The following SCAF11 variants were observed in gnomAD, a reference collection of about 807,000 sequenced individuals.
SCAF11 encodes protein SCAF11.
A neutral mutation model predicts 140.5 loss-of-function variants in SCAF11; 47 were observed. The ratio of observed to expected loss-of-function variants is 0.33; its 90% CI spans 0.26 to 0.43. The LOEUF is 0.43. SCAF11 is among the 20% of genes least tolerant of loss of function. The pLI, the probability that SCAF11 is intolerant of heterozygous loss-of-function variation, is 1.00. For synonymous variants in SCAF11, 557 were observed against 579.4 expected (o/e 0.96, Z 0.55); for missense variants, 1,645 against 1,705.1 (o/e 0.96, Z 0.62).
At chr12:45,969,563 T>C (rs1857701462) in intron 1 of SCAF11, among the ~76,000 whole-genome samples, 2 of 152,214 alleles carry the variant, frequency 1.3e-5, no homozygotes, top group African/African-American at 4.8e-5. Context: ...ATGGCTGTTA[T>C]CAAGATCATT....
Position 45,927,177 on chromosome 12 carries a change from C to T in SCAF11, c.2524G>A (p.Gly842Ser). 4.3e-6 allele frequency: 7 copies of T among 1,614,026 alleles called. No homozygotes were observed. The highest frequency in any genetic ancestry group is 2.7e-5 in the African/African-American group (2 of 74,994). Residue 842 changes from glycine to serine, a missense_variant, in exon 11 of 15, where the codon GGC (glycine) becomes AGC (serine). Gly to Ser is a moderately conservative substitution (Grantham distance 56). Coordinates refer to ENST00000369367, the MANE Select transcript of SCAF11 (RefSeq NM_004719.3). Reference protein sequence around the residue: ...SPSPKNESARGRKKSRSQSPK... With the variant: ...SPSPKNESARSRKKSRSQSPK... The stretch of plus-strand genomic sequence containing the variant: ...GACTGAGAACGGGATTTTTTCCGGC[C>T]TCTGGCTGACTCATTCTTAGGAGAT...
intron 1 of SCAF11, among the ~76,000 whole-genome samples, chr12:45,980,425 C>T (rs1946323513): frequency 3.3e-5 from 5 of 152,116 alleles, no homozygotes; most frequent in Admixed American, 3.3e-4. Flanking sequence ...ACACTTAGTC[C>T]CTCTCTCTAC....
At position 45,926,402 on chromosome 12, in the gene SCAF11, C is replaced by A. The variant is rs770871909; in HGVS notation, c.3299G>T (p.Arg1100Leu). The A allele has an allele frequency of 6.2e-7, 1 of 1,614,212 alleles. No homozygotes were observed. The highest frequency in any genetic ancestry group is 2.2e-5 in the East Asian group (1 of 44,890). ...GTTTGAATTCCCTGAGAGGGGTTTT[C>A]GATTTTGCCACCGATTTTCATTCTG... ...KDQNENRWQN[R>L]KPLSGNSNSS... Residue 1100 changes from arginine to leucine, a missense_variant, in exon 11 of 15, where the codon CGA becomes CTA. Physicochemically the swap from Arg to Leu is moderately radical, Grantham distance 102 (BLOSUM62 -2). Coordinates refer to ENST00000369367, the MANE Select transcript of SCAF11 (RefSeq NM_004719.3).
chr12:45,925,758 T>C (rs538719390), intron 11 of SCAF11, among the ~76,000 whole-genome samples: 3 of 152,244 alleles, frequency 2.0e-5, no homozygotes, highest in South Asian at 2.1e-4. Flanking sequence ...CAAGGAAATA[T>C]AAATCTTTAC....
chr12:45,974,225 G>A, intron 1 of SCAF11: 1 of 470,824 alleles, frequency 2.1e-6, no homozygotes, highest in Non-Finnish European at 4.4e-6. Flanking sequence ...ATCTCAGCAA[G>A]GCTTCAGCAA....
intron 1 of SCAF11, among the ~76,000 whole-genome samples, chr12:45,987,624 G>C (rs1946487983): frequency 6.6e-6 from 1 of 152,230 alleles, no homozygotes; most frequent in South Asian, 2.1e-4. Context: ...ATACACAGTA[G>C]TTAGAGAAGA....
In SCAF11 at chr12:45,928,104, A is replaced by G. The variant is rs756659852; in HGVS notation, c.1597T>C (p.Ser533Pro). ...ACATCTGTCTTTACCTCTGATTGTGAAAGTCCAGATATCTGGTCTTGCTTT... is the reference window on the plus strand; with the variant it reads ...ACATCTGTCTTTACCTCTGATTGTGGAAGTCCAGATATCTGGTCTTGCTTT... The part of the protein sequence containing the change: ...LEKQDQISGL[S>P]QSEVKTDVCT... Residue 533 changes from serine to proline, a missense_variant, in exon 11 of 15, where the codon TCA (serine) becomes CCA (proline). Coordinates refer to ENST00000369367, the MANE Select transcript of SCAF11 (RefSeq NM_004719.3). 1 of 1,613,938 alleles carries G rather than the reference A, an allele frequency of 6.2e-7. No homozygotes were observed. Among genetic ancestry groups the G allele is most frequent in the Non-Finnish European group, 8.5e-7 (1 of 1,179,974 alleles).
In SCAF11 at chr12:45,927,785, T is replaced by C. The variant is rs1436482607; in HGVS notation, c.1916A>G (p.Glu639Gly). 1 of 1,613,468 alleles carries C rather than the reference T, an allele frequency of 6.2e-7. No individual in the cohort carries two copies. The highest frequency in any genetic ancestry group is 8.5e-7 in the Non-Finnish European group (1 of 1,179,798). The change falls in exon 11 of 15, where the codon GAA becomes GGA. Residue 639 changes from glutamate (E) to glycine (G), a missense_variant. Glu to Gly is a moderately conservative substitution (Grantham distance 98). Around this residue, in one of 2 missense-constraint regions of SCAF11, gnomAD observed 1,582 missense variants for 1,609.2 expected, o/e 0.98. Coordinates refer to ENST00000369367, the MANE Select transcript of SCAF11 (RefSeq NM_004719.3). ...SPEVQLLGHV[E>G]TEDVEIIATC... ...TGCAATTATTTCTACATCTTCAGTT[T>C]CAACATGCCCAAGCAATTGAACCTC...
chr12:45,934,399 C>T lies in SCAF11; in HGVS notation c.522+48G>A, dbSNP rs769735409. The T allele has an allele frequency of 2.0e-6, 3 of 1,474,754 alleles. No individual in the cohort carries two copies. The East Asian group carries it at 6.8e-5, about 34-fold the overall frequency. 91.4% of individuals were successfully genotyped at this position (1,474,754 alleles called of 1,614,324 possible). A position where few individuals can be genotyped will look rare whatever the true frequency, so the allele number is the denominator to read the frequency against. ...CTGGTTATTTATGGACTAAATAACC[C>T]TAAAGTGTTATCATCTAAGAAAAAG... On this transcript the variant is annotated intron_variant, in intron 7 of 14. Coordinates refer to ENST00000369367, the MANE Select transcript of SCAF11 (RefSeq NM_004719.3).
At position 45,969,278 on chromosome 12, in the gene SCAF11, T is replaced by C. The variant is rs73292583; in HGVS notation, c.-21-5090A>G. On this transcript the variant is annotated intron_variant, in intron 1 of 14. Transcript: ENST00000369367. ...CAGAAGTAGCCAGGGTTCCTAATAA[T>C]GTAAACTATTCTTTAGCCTAGTCTG... Among the ~76,000 whole-genome samples the C allele has an allele frequency of 7.1e-3, 1,074 of 152,316 alleles. 13 individuals are homozygous for C. Among genetic ancestry groups the C allele is most frequent in the African/African-American group, 0.025 (1,021 of 41,556 alleles).
At chr12:45,972,938 A>C (rs979449734) in intron 1 of SCAF11, among the ~76,000 whole-genome samples, 5 of 18,008 alleles carry the variant, frequency 2.8e-4, no homozygotes, top group East Asian at 1.1e-3. Context: ...AGATATATAT[A>C]GATATATATA....
At chr12:45,978,642 C>G (rs1413835345) in intron 1 of SCAF11, among the ~76,000 whole-genome samples, 1 of 152,002 alleles carries the variant, frequency 6.6e-6, no homozygotes, top group Non-Finnish European at 1.5e-5. Flanking sequence ...CTTGGATGGA[C>G]GTATGGAAGT....
intron 10 of SCAF11, 166 bp from the exon 11 acceptor site, chr12:45,929,025 T>C (rs1944974463): frequency 1.2e-5 from 5 of 401,296 alleles, no homozygotes. Context: ...GTAATATGAC[T>C]TATTCATCAA....
intron 1 of SCAF11, among the ~76,000 whole-genome samples, chr12:45,989,370 T>C (rs751548597): frequency 6.6e-5 from 10 of 152,256 alleles, no homozygotes; most frequent in Admixed American, 1.3e-4. Context: ...TCAGCAGTTT[T>C]GCTTAAGTAT....
In SCAF11 at chr12:45,948,556, C is replaced by G. The variant is rs1468523967; in HGVS notation, c.298-19G>C. 5.0e-6 allele frequency: 7 copies of G among 1,398,348 alleles called. No individual in the cohort carries two copies. The highest frequency in any genetic ancestry group is 7.0e-6 in the Non-Finnish European group (7 of 994,722). The allele number at this position is 1,398,348 out of a possible 1,614,324, so 86.6% of individuals were successfully genotyped here. Reference sequence around the variant, plus strand: ...CTTGAACCTATGAGAAAAGCAAAATCAATTTAGAGCAACAATCCAGCCTTA... The same window carrying G: ...CTTGAACCTATGAGAAAAGCAAAATGAATTTAGAGCAACAATCCAGCCTTA... On this transcript the variant is annotated intron_variant, in intron 4 of 14. Coordinates refer to ENST00000369367, the MANE Select transcript of SCAF11 (RefSeq NM_004719.3).
intron 1 of SCAF11, among the ~76,000 whole-genome samples, chr12:45,982,971 C>T (rs182926617): frequency 9.1e-4 from 138 of 152,110 alleles, no homozygotes; most frequent in African/African-American, 3.0e-3. Context: ...ATGCCAAGTG[C>T]CAAATGTGAG....
chr12:45,976,032 T>A (rs1052089101), intron 1 of SCAF11, among the ~76,000 whole-genome samples: 2 of 152,166 alleles, frequency 1.3e-5, no homozygotes, highest in African/African-American at 2.4e-5. Flanking sequence ...ATTGCCACAA[T>A]CTTCAATTTG....
At chr12:45,946,216 T>A (rs1945419892) in intron 5 of SCAF11, among the ~76,000 whole-genome samples, 1 of 152,214 alleles carries the variant, frequency 6.6e-6, no homozygotes, top group Non-Finnish European at 1.5e-5. Context: ...AATGCCTTCT[T>A]TGGAACTGGT....
chr12:45,987,778 G>A lies in SCAF11; in HGVS notation c.-22+2575C>T, dbSNP rs564485264. 1.8e-4 allele frequency among the ~76,000 whole-genome samples: 27 copies of A among 152,298 alleles called. No homozygotes were observed. In the East Asian group the frequency reaches 5.2e-3, roughly 29 times the overall value. ...TGAGAAGGGAAGCCATTTGAGAAAA[G>A]AAGTTACATGACCTGACATTTTATC... On this transcript the variant is annotated intron_variant, in intron 1 of 14. Coordinates refer to ENST00000369367, the MANE Select transcript of SCAF11 (RefSeq NM_004719.3).
Sources: allele counts gnomAD v4.1 joint callset (sites outside exome capture counted in the v4.1 genomes callset), GRCh38; gene constraint gnomAD v4.1.1; regional missense constraint gnomAD v4.1.1; transcripts MANE v1.5; gene names NCBI Gene and HGNC (gene_info 2026-07-23, HGNC 2026-07-21).